The following RNF123 variants were observed in gnomAD, a reference collection of about 807,000 sequenced individuals.
RNF123 encodes the protein ring finger protein 123.
In RNF123, 86 loss-of-function variants were observed where a neutral mutation model predicts 168.5. The ratio of observed to expected loss-of-function variants is 0.51; its 90% confidence interval spans 0.43 to 0.61. RNF123 has a LOEUF of 0.61. RNF123 is among the 20% of genes least tolerant of loss of function. The probability of loss-of-function intolerance (pLI) is 0.00; values close to 1 mark genes in which losing one functional copy is unlikely to be tolerated. For synonymous variants in RNF123, 666 were observed against 689.1 expected (o/e 0.97, Z 0.52); for missense variants, 1,419 against 1,729.7 (o/e 0.82, Z 3.19).
At chr3:49,705,895 G>T in intron 24 of RNF123, 87 bp from the exon 25 acceptor site, 2 of 1,500,872 alleles carry the variant, frequency 1.3e-6, no homozygotes, top group South Asian at 2.3e-5. Context: ...TTGGGACCTT[G>T]GCAGGGCTGG....
At chr3:49,717,736 G>A (rs1019576081) in intron 35 of RNF123, 6 of 618,102 alleles carry the variant, frequency 9.7e-6, no homozygotes, top group Non-Finnish European at 1.7e-5. Context: ...GGGCCTTTGG[G>A]TCCTGTGCAG....
chr3:49,721,023 A>G lies in RNF123; in HGVS notation c.3742A>G (p.Thr1248Ala), dbSNP rs760594406. The change falls in exon 38 of 39, where the codon ACC (threonine) becomes GCC (alanine). Residue 1248 changes from threonine (T) to alanine (A), a missense_variant. Coordinates refer to ENST00000327697, the MANE Select transcript of RNF123 (RefSeq NM_022064.5). ...SAQAAAASLP[T>A]SEEDLCPICY... ...CCCTTCACTCTCCTCCCTGCAGCCC[A>G]CCAGTGAGGAGGACCTCTGCCCCAT... 5.0e-6 allele frequency: 8 copies of G among 1,611,378 alleles called. No individual in the cohort carries two copies. In the Admixed American group the frequency reaches 1.2e-4, roughly 24 times the overall value.
In RNF123 at chr3:49,699,762, C is replaced by T. The variant is rs745905984; in HGVS notation, c.974C>T (p.Ala325Val). The T allele has an allele frequency of 1.2e-6, 2 of 1,613,328 alleles. No individual in the cohort carries two copies. The highest frequency in any genetic ancestry group is 2.2e-5 in the East Asian group (1 of 44,894). The change falls in exon 12 of 39, where the codon GCA becomes GTA. Residue 325 changes from alanine (A) to valine (V), a missense_variant. Ala to Val is a moderately conservative substitution (Grantham distance 64, BLOSUM62 0). Transcript: ENST00000327697. The surrounding 1 kb of genome is among the most constrained non-coding windows in gnomAD (Gnocchi z 4.8). Reference protein sequence around the residue: ...LTLAHIFHHFAPLLRKVYLVE... With the variant: ...LTLAHIFHHFVPLLRKVYLVE... ...CTGGCCCACATCTTCCATCACTTTGCACCGCTTCTGGTGAGCGGCATTGGG... is the reference window on the plus strand; with the variant it reads ...CTGGCCCACATCTTCCATCACTTTGTACCGCTTCTGGTGAGCGGCATTGGG...
chr3:49,713,864 C>T (rs1484457875), intron 29 of RNF123, 39 bp downstream of exon 29: 1 of 1,613,052 alleles, frequency 6.2e-7, no homozygotes, highest in African/African-American at 1.3e-5. Flanking sequence ...TGGCCACAAG[C>T]ACCATGCCCA....
Position 49,704,678 on chromosome 3 carries a change from G to A in RNF123, c.1881G>A (p.Val627=), listed in dbSNP as rs1470470948. The part of the protein sequence containing the change: ...KDDLASKANI[V]IDPLELQSTA... ...ACCTTGCTTCCAAAGCCAACATTGT[G>A]ATCGACCCACTGGAGCTCCAGTCAA... The change falls in exon 22 of 39, where the codon GTG becomes GTA. Residue 627 remains valine, a synonymous_variant. Transcript: ENST00000327697. The A allele has an allele frequency of 6.2e-7, 1 of 1,609,746 alleles. No homozygotes were observed. The highest frequency in any genetic ancestry group is 1.7e-5 in the Admixed American group (1 of 59,282).
At chr3:49,703,771 T>C (rs1201619503) in intron 21 of RNF123, among the ~76,000 whole-genome samples, 1 of 151,944 alleles carries the variant, frequency 6.6e-6, no homozygotes, top group Non-Finnish European at 1.5e-5. Flanking sequence ...CTTGGTGAGG[T>C]GTGGATGGGG....
chr3:49,695,782 C>A (rs2054255642), intron 3 of RNF123, among the ~76,000 whole-genome samples: 1 of 152,182 alleles, frequency 6.6e-6, no homozygotes, highest in Non-Finnish European at 1.5e-5. Context: ...GGCCTCTGTT[C>A]TGCCTGAGTC....
intron 35 of RNF123, chr3:49,717,447 T>G (rs776248571): frequency 1.1e-4 from 18 of 168,524 alleles, no homozygotes; most frequent in Admixed American, 2.2e-4. Flanking sequence ...CAGAGCCGCC[T>G]TCTTTTCCCT....
intron 35 of RNF123, chr3:49,719,363 G>A (rs1333578684): frequency 6.2e-7 from 1 of 1,613,558 alleles, no homozygotes; most frequent in South Asian, 1.1e-5. Context: ...CATTTGTAGG[G>A]GCAGTTGTGG....
intron 20 of RNF123, 92 bp downstream of exon 20, chr3:49,702,845 T>A: frequency 6.4e-7 from 1 of 1,566,368 alleles, no homozygotes; most frequent in South Asian, 1.2e-5. Context: ...GAGCTGAGGC[T>A]GTGGGCTGTG....
chr3:49,718,932 G>C, intron 35 of RNF123: 1 of 1,613,744 alleles, frequency 6.2e-7, no homozygotes, highest in Non-Finnish European at 8.5e-7. Context: ...CGCTCAGACC[G>C]TGCAGGTGGT....
At chr3:49,719,322 A>T (rs765192077) in intron 35 of RNF123, 1 of 1,613,122 alleles carries the variant, frequency 6.2e-7, no homozygotes, top group Non-Finnish European at 8.5e-7. Flanking sequence ...GCCCTAGGCC[A>T]GTGCAGCTTA....
intron 5 of RNF123, 119 bp from the exon 6 acceptor site, chr3:49,697,766 T>A: frequency 8.2e-7 from 1 of 1,226,888 alleles, no homozygotes; most frequent in East Asian, 2.3e-5. Flanking sequence ...CACAGTGCAG[T>A]GTTGGCCGCC....
Position 49,705,117 on chromosome 3 carries a change from C to G in RNF123, c.2093C>G (p.Pro698Arg), listed in dbSNP as rs1206978059. The change falls in exon 23 of 39, where the codon CCT becomes CGT. Residue 698 changes from proline to arginine, a missense_variant. Physicochemically the swap from Pro to Arg is moderately radical, Grantham distance 103. Coordinates refer to ENST00000327697, the MANE Select transcript of RNF123 (RefSeq NM_022064.5). ...AAVSLMTPRR[P>R]LSTSEKVKVR... ...GTGAGCCTCATGACCCCACGGCGGC[C>G]TCTGAGCACCTCGGAGAAAGTGAAG... The G allele has an allele frequency of 1.2e-6, 2 of 1,610,028 alleles. No homozygotes were observed. The highest frequency in any genetic ancestry group is 1.7e-6 in the Non-Finnish European group (2 of 1,178,180).
intron 36 of RNF123, 64 bp from the exon 37 acceptor site, chr3:49,720,736 G>A: frequency 1.2e-6 from 2 of 1,611,044 alleles, no homozygotes; most frequent in Non-Finnish European, 1.7e-6. Context: ...TCCTAGGCTG[G>A]GAATATTCAA....
intron 35 of RNF123, chr3:49,718,232 GGCGGCAGCA>G: frequency 1.2e-6 from 2 of 1,611,852 alleles, no homozygotes; most frequent in South Asian, 2.2e-5. Flanking sequence ...CGGCAGGCAC[GGCGGCAGCA>G]GCGGCAGGGT....
rs1005801288 is a variant in RNF123 at position 49,704,920 on chromosome 3, G to A, written c.1960-64G>A. The A allele has an allele frequency of 1.2e-5, 18 of 1,491,064 alleles. No individual in the cohort carries two copies. The East Asian group carries it at 1.7e-4, about 14-fold the overall frequency. The allele number at this position is 1,491,064 out of a possible 1,614,324, so 92.4% of individuals were successfully genotyped here. A position where few individuals can be genotyped will look rare whatever the true frequency, so the allele number is the denominator to read the frequency against. ...GGCATGGACCCTCCCTCACAATTCT[G>A]CAGCCCCGTGGGCCAAGGGAACCCT... On this transcript the variant is annotated intron_variant, in intron 22 of 38. Coordinates refer to ENST00000327697, the MANE Select transcript of RNF123 (RefSeq NM_022064.5).
intron 35 of RNF123, 188 bp from the exon 36 acceptor site, chr3:49,720,317 GAAAAAA>G: frequency 2.9e-6 from 1 of 345,012 alleles, no homozygotes; most frequent in South Asian, 1.1e-4. Context: ...CTCGTCTCAA[GAAAAAA>G]AAAAAAAAAA....
chr3:49,691,233 A>G lies in RNF123; in HGVS notation c.68A>G (p.Lys23Arg), dbSNP rs1201442725. The change falls in exon 2 of 39, where the codon AAA (lysine) becomes AGA (arginine). Residue 23 changes from lysine (K) to arginine (R), a missense_variant. By Grantham distance (26) the Lys-to-Arg change is conservative (BLOSUM62 2). Coordinates refer to ENST00000327697, the MANE Select transcript of RNF123 (RefSeq NM_022064.5). Reference sequence around the variant, plus strand: ...TATAGGCTGACCTCAGATGCTGAGAAATCCAGGGTCACAGGTAAGAGCTGG... The same window carrying G: ...TATAGGCTGACCTCAGATGCTGAGAGATCCAGGGTCACAGGTAAGAGCTGG... ...KSYRLTSDAE[K>R]SRVTGIVQEK... 21 of 1,613,850 alleles carry G rather than the reference A, an allele frequency of 1.3e-5. No individual in the cohort carries two copies. Among genetic ancestry groups the G allele is most frequent in the Non-Finnish European group, 1.8e-5 (21 of 1,179,836 alleles).
Sources: allele counts gnomAD v4.1 joint callset (sites outside exome capture counted in the v4.1 genomes callset), GRCh38; gene constraint gnomAD v4.1.1; non-coding constraint Gnocchi (gnomAD v3.1); transcripts MANE v1.5; gene names NCBI Gene and HGNC (gene_info 2026-07-23, HGNC 2026-07-21).